The following ETHE1 variants were observed in gnomAD, a reference collection of about 807,000 sequenced individuals.
ETHE1 encodes ETHE1 persulfide dioxygenase.
Under a neutral mutation model 25.7 loss-of-function variants are expected in ETHE1, and 16 were observed. The observed-to-expected ratio is 0.62, with a 90% CI of 0.42 to 0.95. The LOEUF (loss-of-function observed/expected upper bound fraction) is 0.95, where lower values mean the gene tolerates loss of function less well. Among genes scored for constraint, ETHE1 ranks in the 40% least tolerant of loss-of-function variants. The pLI is 0.00. For missense variants in ETHE1, 300 were observed against 333.6 expected (o/e 0.90, Z 0.79); for synonymous variants, 139 against 135.9 (o/e 1.02, Z -0.16).
intron 3 of ETHE1, among the ~76,000 whole-genome samples, chr19:43,523,781 C>T (rs1447530158): frequency 6.6e-6 from 1 of 151,734 alleles, no homozygotes; most frequent in East Asian, 2.0e-4. Context: ...ACTAAAAATA[C>T]AAAAATTAGC....
In ETHE1 at chr19:43,527,103, C is replaced by T; in HGVS notation, c.75G>A (p.Leu25=). The T allele has an allele frequency of 6.4e-7, 1 of 1,556,410 alleles. No individual in the cohort carries two copies. Residue 25 remains leucine, a synonymous_variant, in exon 1 of 7, where the codon CTG becomes CTA. Coordinates refer to ENST00000292147, the MANE Select transcript of ETHE1 (RefSeq NM_014297.5). ...TAGGTCCAGCCACCCGCACCTGCCG[C>T]AGGAGGATGGGGGCTCCAGACCCGC... is the stretch of plus-strand genomic sequence containing the variant. ...QRGGSGAPIL[L]RQMFEPVSCT...
intron 4 of ETHE1, among the ~76,000 whole-genome samples, chr19:43,511,016 CG>C (rs1205055969): frequency 6.6e-6 from 1 of 151,970 alleles, no homozygotes; most frequent in African/African-American, 2.4e-5. Flanking sequence ...ATCTAGGTTG[CG>C]TTCTCCTTAT....
At position 43,507,963 on chromosome 19, in the gene ETHE1, C is replaced by G. The variant is rs946602889; in HGVS notation, c.693G>C (p.Leu231Phe). The G allele has an allele frequency of 5.0e-6, 8 of 1,613,946 alleles. No individual in the cohort carries two copies. The African/African-American group carries it at 1.1e-4, about 22-fold the overall frequency. The part of the protein sequence containing the change: ...EFVKIMGNLN[L>F]PKPQQIDFAV... ...GCTCACCTATCTGCTGAGGTTTAGGCAAGTTCAGGTTGCCCATGATTTTGA... is the reference window on the plus strand; with the variant it reads ...GCTCACCTATCTGCTGAGGTTTAGGGAAGTTCAGGTTGCCCATGATTTTGA... The change falls in exon 6 of 7, where the codon TTG (leucine) becomes TTC (phenylalanine). Residue 231 changes from leucine (L) to phenylalanine (F), a missense_variant. Leu to Phe is a conservative substitution (Grantham distance 22). Transcript: ENST00000292147.
intron 1 of ETHE1, 194 bp from the exon 2 acceptor site, chr19:43,526,853 T>A: frequency 6.8e-7 from 1 of 1,474,098 alleles, no homozygotes; most frequent in Non-Finnish European, 8.9e-7. Flanking sequence ...CTTCCTAACA[T>A]CCCAAAATCA....
At chr19:43,515,612 T>C (rs1972004164) in intron 3 of ETHE1, among the ~76,000 whole-genome samples, 2 of 152,102 alleles carry the variant, frequency 1.3e-5, no homozygotes. Context: ...TCTGGCTCTG[T>C]CACCCAGACT....
intron 1 of ETHE1, chr19:43,526,876 CG>C (rs1298879105): frequency 6.8e-7 from 1 of 1,473,170 alleles, no homozygotes; most frequent in Non-Finnish European, 8.9e-7. Flanking sequence ...GTCCCCAGCA[CG>C]TTCTTTCATA....
At chr19:43,523,899 G>A (rs558108457) in intron 3 of ETHE1, among the ~76,000 whole-genome samples, 1 of 152,160 alleles carries the variant, frequency 6.6e-6, no homozygotes, top group South Asian at 2.1e-4. Flanking sequence ...GCTTGCCATT[G>A]CACTCCAGCC....
At chr19:43,522,859 A>T (rs1972162950) in intron 3 of ETHE1, among the ~76,000 whole-genome samples, 1 of 152,212 alleles carries the variant, frequency 6.6e-6, no homozygotes, top group South Asian at 2.1e-4. Flanking sequence ...GGCTGCTTTC[A>T]TGCCACAATA....
At chr19:43,522,512 TG>T (rs1972156252) in intron 3 of ETHE1, among the ~76,000 whole-genome samples, 1 of 152,232 alleles carries the variant, frequency 6.6e-6, no homozygotes, top group Non-Finnish European at 1.5e-5. Context: ...GTTTTGCTCT[TG>T]TCACTCATGC....
chr19:43,527,003 C>G, intron 1 of ETHE1, 94 bp downstream of exon 1: 2 of 1,535,134 alleles, frequency 1.3e-6, no homozygotes, highest in Middle Eastern at 1.7e-4. Flanking sequence ...AGGCGTGGGT[C>G]CCCCCGGATC....
chr19:43,511,366 A>G (rs1971911169), intron 4 of ETHE1, 71 bp downstream of exon 4: 3 of 1,608,638 alleles, frequency 1.9e-6, no homozygotes, highest in Non-Finnish European at 2.6e-6. Context: ...TCATTCTTGT[A>G]ACAGATACTT....
At chr19:43,524,228 C>A (rs1972194571) in intron 3 of ETHE1, among the ~76,000 whole-genome samples, 2 of 150,934 alleles carry the variant, frequency 1.3e-5, no homozygotes, top group South Asian at 4.2e-4. Flanking sequence ...ATAAATAAAA[C>A]AAAAAAATTT....
At chr19:43,513,240 C>A (rs1971953996) in intron 3 of ETHE1, among the ~76,000 whole-genome samples, 1 of 152,110 alleles carries the variant, frequency 6.6e-6, no homozygotes, top group Non-Finnish European at 1.5e-5. Flanking sequence ...GAGTGGGAGC[C>A]CCCACAGAGA....
intron 3 of ETHE1, 123 bp from the exon 4 acceptor site, chr19:43,511,689 T>C (rs1971921855): frequency 9.2e-7 from 1 of 1,086,070 alleles, no homozygotes; most frequent in Non-Finnish European, 1.3e-6. Context: ...AAATGTAGAT[T>C]CCCAGGCTGT....
chr19:43,511,795 AAAT>A (rs1171940260), intron 3 of ETHE1, among the ~76,000 whole-genome samples: 2 of 152,188 alleles, frequency 1.3e-5, no homozygotes, highest in African/African-American at 2.4e-5. Flanking sequence ...ACAAAAATAC[AAAT>A]AATATCTGAC....
At chr19:43,520,639 G>A (rs1462151024) in intron 3 of ETHE1, among the ~76,000 whole-genome samples, 1 of 151,686 alleles carries the variant, frequency 6.6e-6, no homozygotes, top group African/African-American at 2.4e-5. Flanking sequence ...GGTTGAGGCT[G>A]CAGTGAGCTA....
chr19:43,516,275 G>T (rs1568495910), intron 3 of ETHE1, among the ~76,000 whole-genome samples: 1 of 151,874 alleles, frequency 6.6e-6, no homozygotes, highest in South Asian at 2.1e-4. Context: ...GTATACATGT[G>T]GTCCTTGACT....
chr19:43,518,089 AAAT>A (rs1412741672), intron 3 of ETHE1, among the ~76,000 whole-genome samples: 1 of 151,446 alleles, frequency 6.6e-6, no homozygotes, highest in Non-Finnish European at 1.5e-5. Flanking sequence ...GATAAATAAA[AAAT>A]AATAAATAAA....
intron 3 of ETHE1, among the ~76,000 whole-genome samples, chr19:43,515,349 G>T (rs988883688): frequency 6.6e-6 from 1 of 151,064 alleles, no homozygotes; most frequent in Non-Finnish European, 1.5e-5. Flanking sequence ...CCCGGGAGGC[G>T]GAGGTTGCAG....
Sources: gnomAD v4.1 joint callset for allele counts (sites outside exome capture counted in the v4.1 genomes callset) on GRCh38, gnomAD v4.1.1 for gene constraint, MANE v1.5 for transcripts, NCBI Gene and HGNC (gene_info 2026-07-23, HGNC 2026-07-21) for gene names.